The following UGGT2 variants were observed in gnomAD, a reference collection of about 807,000 sequenced individuals.
The protein encoded by UGGT2 is UDP-glucose:glycoprotein glucosyltransferase 2.
A neutral mutation model predicts 192.1 loss-of-function variants in UGGT2; 180 were observed. That is an observed-to-expected ratio of 0.94 (90% CI 0.83 to 1.06). The LOEUF is 1.06. Ranked by LOEUF, UGGT2 falls within the 50% of genes least tolerant of loss-of-function variation. The pLI is 0.00. For synonymous variants in UGGT2, 580 were observed against 591.0 expected, an observed-to-expected ratio of 0.98 and a Z score of 0.27; for missense variants, 1,849 against 1,795.7, an observed-to-expected ratio of 1.03 and a Z score of -0.54.
chr13:95,816,531 T>C (rs966165672), intron 38 of UGGT2, among the ~76,000 whole-genome samples: 5 of 152,228 alleles, frequency 3.3e-5, no homozygotes, highest in African/African-American at 1.2e-4. Context: ...TAGAATAGTA[T>C]ATCTATACAA....
intron 4 of UGGT2, among the ~76,000 whole-genome samples, chr13:96,018,646 A>C (rs779266956): frequency 6.6e-6 from 1 of 152,320 alleles, no homozygotes; most frequent in East Asian, 1.9e-4. Flanking sequence ...ATGTAAATAA[A>C]ACTACTGTTA....
chr13:95,962,373 G>A (rs1490780577), intron 12 of UGGT2, among the ~76,000 whole-genome samples: 1 of 151,970 alleles, frequency 6.6e-6, no homozygotes, highest in Non-Finnish European at 1.5e-5. Context: ...GAAGCACACT[G>A]ATATCATATA....
chr13:95,952,281 G>A (rs1489124387), intron 12 of UGGT2, among the ~76,000 whole-genome samples: 1 of 152,000 alleles, frequency 6.6e-6, no homozygotes, highest in Non-Finnish European at 1.5e-5. Context: ...CAAGATGAAA[G>A]CATTATCTGT....
intron 25 of UGGT2, among the ~76,000 whole-genome samples, chr13:95,888,353 G>C (rs144702166): frequency 3.8e-3 from 583 of 152,252 alleles, no homozygotes; most frequent in Non-Finnish European, 6.9e-3. Flanking sequence ...GTGGTGTCCT[G>C]ATTCTTTTGG....
chr13:96,034,589 C>T (rs2052942372), intron 1 of UGGT2, among the ~76,000 whole-genome samples: 1 of 152,240 alleles, frequency 6.6e-6, no homozygotes, highest in African/African-American at 2.4e-5. Flanking sequence ...TTTGGGGAGC[C>T]CAGACCTACA....
chr13:95,986,355 G>A lies in UGGT2; in HGVS notation c.1009C>T (p.Gln337Ter), dbSNP rs2140881511. ...DSIKLMKDIS[Q>*]NFPIKARSLT... ...TACCTGGCTTTTATGGGGAAGTTCTGTGAAATGTCTTTCATTAATTTAATG... is the reference window on the plus strand; with the variant it reads ...TACCTGGCTTTTATGGGGAAGTTCTATGAAATGTCTTTCATTAATTTAATG... Residue 337 changes from glutamine (Q) to a stop codon, truncating the protein, a stop_gained, in exon 9 of 39, where the codon CAG becomes TAG. Coordinates refer to ENST00000376747, the MANE Select transcript of UGGT2 (RefSeq NM_020121.4). LOFTEE classifies it high-confidence loss of function. The A allele has an allele frequency of 1.9e-6, 3 of 1,600,976 alleles. No individual in the cohort carries two copies. The highest frequency in any genetic ancestry group is 2.2e-5 in the East Asian group (1 of 44,570).
chr13:95,804,339 A>G (rs1030779609), intron 38 of UGGT2, among the ~76,000 whole-genome samples: 1 of 152,300 alleles, frequency 6.6e-6, no homozygotes. Flanking sequence ...GACATTCCAC[A>G]TTCATGAGCT....
At chr13:95,952,458 A>G (rs559289578) in intron 12 of UGGT2, among the ~76,000 whole-genome samples, 1 of 152,348 alleles carries the variant, frequency 6.6e-6, no homozygotes, top group South Asian at 2.1e-4. Context: ...ATCCTTCCAT[A>G]TACCTTAAAT....
At position 95,863,656 on chromosome 13, in the gene UGGT2, G is replaced by GT. The variant is rs776613082; in HGVS notation, c.3616dup (p.Thr1206AsnfsTer9). Reference sequence around the variant, plus strand: ...TTTAATGGAATCCCACAGTCCTTTTGTTTTTTCATCTTCATCGGTAAGGAT... The same window carrying GT: ...TTTAATGGAATCCCACAGTCCTTTTGTTTTTTTCATCTTCATCGGTAAGGAT... On this transcript the variant is annotated frameshift_variant, in exon 31 of 39. Coordinates refer to ENST00000376747, the MANE Select transcript of UGGT2 (RefSeq NM_020121.4). LOFTEE classifies it high-confidence loss of function. 4.3e-6 allele frequency: 7 copies of GT among 1,611,984 alleles called. No homozygotes were observed. Among genetic ancestry groups the GT allele is most frequent in the South Asian group, 1.1e-5 (1 of 91,026 alleles).
intron 7 of UGGT2, 109 bp downstream of exon 7, chr13:95,995,954 A>T: frequency 1.1e-6 from 1 of 898,344 alleles, no homozygotes; most frequent in Non-Finnish European, 1.8e-6. Context: ...GTGTGTTTGT[A>T]CTTTCTACAT....
intron 32 of UGGT2, chr13:95,859,967 T>C (rs45595741): frequency 0.12 from 24,059 of 192,602 alleles, 1,850 homozygotes; most frequent in East Asian, 0.34. Context: ...TCATGGTAGC[T>C]TCACCTGGGC....
intron 22 of UGGT2, 50 bp downstream of exon 22, chr13:95,900,757 G>A (rs1184858880): frequency 2.6e-6 from 4 of 1,560,578 alleles, no homozygotes; most frequent in Admixed American, 1.9e-5. Context: ...AGGCAGACCA[G>A]TGCACTGCAG....
chr13:96,009,459 T>C (rs2052085357), intron 5 of UGGT2, among the ~76,000 whole-genome samples: 1 of 152,208 alleles, frequency 6.6e-6, no homozygotes, highest in African/African-American at 2.4e-5. Flanking sequence ...AAAGGTCTAA[T>C]ATCCAGAATC....
chr13:96,004,434 G>C (rs2051905512), intron 5 of UGGT2, among the ~76,000 whole-genome samples: 1 of 152,144 alleles, frequency 6.6e-6, no homozygotes, highest in African/African-American at 2.4e-5. Context: ...AAAAACTAGT[G>C]GGGATGTGGG....
intron 1 of UGGT2, among the ~76,000 whole-genome samples, chr13:96,045,306 C>A (rs561160333): frequency 6.6e-6 from 1 of 152,104 alleles, no homozygotes; most frequent in East Asian, 1.9e-4. Context: ...TTAAAACTCT[C>A]AACAAAATCG....
intron 15 of UGGT2, among the ~76,000 whole-genome samples, chr13:95,940,542 C>G (rs927866151): frequency 1.3e-5 from 2 of 150,914 alleles, no homozygotes; most frequent in African/African-American, 2.4e-5. Context: ...CAGCTTCAAC[C>G]TCCCAGCTCA....
At chr13:95,953,710 T>C (rs1259213471) in intron 12 of UGGT2, among the ~76,000 whole-genome samples, 1 of 151,580 alleles carries the variant, frequency 6.6e-6, no homozygotes, top group African/African-American at 2.4e-5. Context: ...CAGATTTTGG[T>C]CATTAGCACT....
At chr13:95,830,986 G>C (rs1354418703) in intron 38 of UGGT2, among the ~76,000 whole-genome samples, 1 of 152,124 alleles carries the variant, frequency 6.6e-6, no homozygotes, top group African/African-American at 2.4e-5. Context: ...TAGGGACATG[G>C]ATGAAGCTGG....
intron 17 of UGGT2, among the ~76,000 whole-genome samples, chr13:95,931,262 G>A (rs556267559): frequency 6.6e-6 from 1 of 152,250 alleles, no homozygotes; most frequent in Non-Finnish European, 1.5e-5. Flanking sequence ...ACTGATTGGT[G>A]TGTTTACAAA....
Sources: gnomAD v4.1 joint callset for allele counts (sites outside exome capture counted in the v4.1 genomes callset) on GRCh38, gnomAD v4.1.1 for gene constraint, MANE v1.5 for transcripts, NCBI Gene and HGNC (gene_info 2026-07-23, HGNC 2026-07-21) for gene names.